The following LRRC31 variants were observed in gnomAD, a reference collection of about 807,000 sequenced individuals.
LRRC31 encodes the protein leucine-rich repeat-containing protein 31.
In LRRC31, 35 loss-of-function variants were observed where a neutral mutation model predicts 46.7. The ratio of observed to expected loss-of-function variants is 0.75; its 90% CI spans 0.57 to 0.99. The LOEUF (loss-of-function observed/expected upper bound fraction) is 0.99, where lower values mean the gene tolerates loss of function less well. Among genes scored for constraint, LRRC31 ranks in the 50% least tolerant of loss-of-function variants. The pLI is 0.00. For missense variants in LRRC31, 613 were observed against 626.1 expected (o/e 0.98, Z 0.22); for synonymous variants, 236 against 235.1 (o/e 1.00, Z -0.03).
rs370300471 is a variant in LRRC31, at chr3:169,854,960, C to T, written c.844G>A (p.Gly282Ser). ...KILDAAFRYL[G>S]ELRKLDLSCN... The stretch of plus-strand genomic sequence containing the variant: ...GAAAGATCTAATTTCCTCAGCTCAC[C>T]CAAATACCTAAAAGCAGCATCTACA... Residue 282 changes from glycine to serine, a missense_variant, in exon 6 of 9, where the codon GGT becomes AGT. By Grantham distance (56) the Gly-to-Ser change is moderately conservative. Coordinates refer to ENST00000316428, the MANE Select transcript of LRRC31 (RefSeq NM_024727.4). 38 of 1,610,536 alleles carry T rather than the reference C, an allele frequency of 2.4e-5. No individual in the cohort carries two copies. Among genetic ancestry groups the T allele is most frequent in the Non-Finnish European group, 3.0e-5 (35 of 1,179,798 alleles).
chr3:169,862,637 T>C (rs1441556087), intron 1 of LRRC31, among the ~76,000 whole-genome samples: 1 of 152,082 alleles, frequency 6.6e-6, no homozygotes, highest in Non-Finnish European at 1.5e-5. Context: ...GGTGCACACC[T>C]GTAGTCCCAG....
intron 2 of LRRC31, among the ~76,000 whole-genome samples, chr3:169,861,045 G>A (rs189034107): frequency 2.6e-5 from 4 of 151,262 alleles, no homozygotes; most frequent in Non-Finnish European, 5.9e-5. Flanking sequence ...CTTGAGGAAG[G>A]ATCAATTAAC....
rs1781127293 is a variant in LRRC31 at position 169,860,700 on chromosome 3, C to A, written c.348G>T (p.Leu116Phe). ...MVALLPFLPD[L>F]EELDISWNGF... ...CATTCCAGGAGATATCCAGTTCTTC[C>A]AAGTCTGGGAGAAAAGGCAGCAAGG... is the stretch of plus-strand genomic sequence containing the variant. Residue 116 changes from leucine (L) to phenylalanine (F), a missense_variant, in exon 3 of 9, where the codon TTG (leucine) becomes TTT (phenylalanine). By Grantham distance (22) the Leu-to-Phe change is conservative. Coordinates refer to ENST00000316428, the MANE Select transcript of LRRC31 (RefSeq NM_024727.4). 2.5e-6 allele frequency: 4 copies of A among 1,613,830 alleles called. No individual in the cohort carries two copies. The highest frequency in any genetic ancestry group is 3.4e-6 in the Non-Finnish European group (4 of 1,179,958).
chr3:169,842,981 C>G (rs893623661), intron 8 of LRRC31, among the ~76,000 whole-genome samples: 1 of 152,106 alleles, frequency 6.6e-6, no homozygotes, highest in Non-Finnish European at 1.5e-5. Context: ...TTCTAAATAG[C>G]CACCTTAAGA....
At chr3:169,867,499 T>C (rs1781368251) in intron 1 of LRRC31, among the ~76,000 whole-genome samples, 1 of 152,108 alleles carries the variant, frequency 6.6e-6, no homozygotes, top group Non-Finnish European at 1.5e-5. Context: ...CCTCATGATA[T>C]GCCTGCCTCG....
chr3:169,859,024 G>T (rs1331534830), intron 3 of LRRC31, among the ~76,000 whole-genome samples: 15 of 138,050 alleles, frequency 1.1e-4, no homozygotes, highest in Admixed American at 2.2e-4. Context: ...AAAAGGGGGG[G>T]GGTGGGGGAT....
intron 2 of LRRC31, among the ~76,000 whole-genome samples, chr3:169,861,155 C>T (rs1297422037): frequency 4.0e-5 from 6 of 150,056 alleles, no homozygotes; most frequent in South Asian, 2.1e-4. Context: ...CTGCAACCTC[C>T]GCCTCCCAGG....
chr3:169,843,377 T>C (rs145650962), intron 8 of LRRC31, among the ~76,000 whole-genome samples: 2 of 152,332 alleles, frequency 1.3e-5, no homozygotes, highest in Non-Finnish European at 2.9e-5. Context: ...AGTGGATTTA[T>C]TCCTAGAGCC....
Position 169,851,660 on chromosome 3 carries a change from A to G in LRRC31, c.1118T>C (p.Ile373Thr), listed in dbSNP as rs761621763. ...CTCACTCTCCAAAGCACAGTTGTTG[A>G]TAACTAATGACTTCAATGCTGGTAA... The part of the protein sequence containing the change: ...RFLPALKSLV[I>T]NNCALESETF... The change falls in exon 7 of 9, where the codon ATC becomes ACC. Residue 373 changes from isoleucine to threonine, a missense_variant. Ile to Thr is a moderately conservative substitution (Grantham distance 89). Coordinates refer to ENST00000316428, the MANE Select transcript of LRRC31 (RefSeq NM_024727.4). The G allele has an allele frequency of 1.2e-6, 2 of 1,614,206 alleles. No homozygotes were observed. The highest frequency in any genetic ancestry group is 1.7e-6 in the Non-Finnish European group (2 of 1,180,040).
chr3:169,842,953 C>A (rs1780496227), intron 8 of LRRC31, among the ~76,000 whole-genome samples: 1 of 151,438 alleles, frequency 6.6e-6, no homozygotes, highest in Non-Finnish European at 1.5e-5. Flanking sequence ...ATCAATAAAC[C>A]CCTTGCAGTA....
At chr3:169,849,522 G>T (rs944755755) in intron 7 of LRRC31, among the ~76,000 whole-genome samples, 1 of 152,130 alleles carries the variant, frequency 6.6e-6, no homozygotes, top group Non-Finnish European at 1.5e-5. Context: ...ACAAAAATTG[G>T]CCAGGTGTGG....
At chr3:169,852,183 G>C (rs1315114880) in intron 6 of LRRC31, among the ~76,000 whole-genome samples, 2 of 151,290 alleles carry the variant, frequency 1.3e-5, no homozygotes, top group East Asian at 3.9e-4. Flanking sequence ...TGGATCACGA[G>C]GTCAGGAGAT....
At chr3:169,862,118 C>T (rs1321746641) in intron 1 of LRRC31, among the ~76,000 whole-genome samples, 2 of 152,158 alleles carry the variant, frequency 1.3e-5, no homozygotes, top group Non-Finnish European at 2.9e-5. Flanking sequence ...CCTGTCAGCC[C>T]GGCTTTTGAG....
chr3:169,854,023 G>A (rs1008790610), intron 6 of LRRC31, among the ~76,000 whole-genome samples: 5 of 152,370 alleles, frequency 3.3e-5, no homozygotes, highest in Admixed American at 2.0e-4. Flanking sequence ...GCCAGAGCAT[G>A]CCTGGCGTGT....
At chr3:169,869,359 G>A (rs1418730606) in intron 1 of LRRC31, among the ~76,000 whole-genome samples, 1 of 151,884 alleles carries the variant, frequency 6.6e-6, no homozygotes, top group East Asian at 1.9e-4. Context: ...TGACAAGAGT[G>A]AAACTCTGTC....
In LRRC31 at chr3:169,840,024, A is replaced by C. The variant is rs1219887710; in HGVS notation, c.1617T>G (p.Asp539Glu). Residue 539 changes from aspartate (D) to glutamate (E), a missense_variant, in exon 9 of 9, where the codon GAT becomes GAG. Physicochemically the swap from Asp to Glu is conservative, Grantham distance 45. Transcript: ENST00000316428. Reference protein sequence around the residue: ...QEEELECFDQDKKRSIHFDHG... With the variant: ...QEEELECFDQEKKRSIHFDHG... ...GGTCAAAGTGAATGCTTCTTTTTTT[A>C]TCTTGGTCAAAGCATTCTAGTTCTT... is the stretch of plus-strand genomic sequence containing the variant. 5 of 1,613,038 alleles carry C rather than the reference A, an allele frequency of 3.1e-6. No individual in the cohort carries two copies. The Admixed American group carries it at 8.4e-5, about 27-fold the overall frequency.
At chr3:169,850,481 A>G (rs1048570946) in intron 7 of LRRC31, among the ~76,000 whole-genome samples, 1 of 152,210 alleles carries the variant, frequency 6.6e-6, no homozygotes, top group Non-Finnish European at 1.5e-5. Context: ...AAGTCTAGGT[A>G]TGCTTGAAGG....
Position 169,866,829 on chromosome 3 carries a change from G to A in LRRC31, c.175+2804C>T, listed in dbSNP as rs558143964. The stretch of plus-strand genomic sequence containing the variant: ...ACAAAAAAATTAGCTGGGCATGGTG[G>A]CGGACACCTGTAGTTCCAGCTACTT... On this transcript the variant is annotated intron_variant, in intron 1 of 8. Coordinates refer to ENST00000316428, the MANE Select transcript of LRRC31 (RefSeq NM_024727.4). 2.0e-4 allele frequency among the ~76,000 whole-genome samples: 31 copies of A among 152,156 alleles called. No individual in the cohort carries two copies. The South Asian group carries it at 3.9e-3, about 19-fold the overall frequency.
chr3:169,848,518 G>A (rs112615925), intron 7 of LRRC31, among the ~76,000 whole-genome samples: 1,588 of 152,202 alleles, frequency 0.01, 22 homozygotes, highest in African/African-American at 0.036. Context: ...GTGCAGTGGC[G>A]CGATCTTGGC....
Sources: gnomAD v4.1 joint callset for allele counts (sites outside exome capture counted in the v4.1 genomes callset) on GRCh38, gnomAD v4.1.1 for gene constraint, MANE v1.5 for transcripts, NCBI Gene and HGNC (gene_info 2026-07-23, HGNC 2026-07-21) for gene names.